Variants in FTO observed in about 807,000 individuals in gnomAD.
The protein encoded by FTO is FTO alpha-ketoglutarate dependent dioxygenase.
In FTO, 47 loss-of-function variants were observed where a neutral mutation model predicts 63.9. The ratio of observed to expected loss-of-function variants is 0.74; its 90% CI spans 0.58 to 0.94. The LOEUF is 0.94. Ranked by LOEUF, FTO falls within the 40% of genes least tolerant of loss-of-function variation. FTO has a pLI of 0.00. For synonymous variants in FTO, 207 were observed against 224.4 expected, an observed-to-expected ratio of 0.92 and a Z score of 0.69; for missense variants, 562 against 618.1, an observed-to-expected ratio of 0.91 and a Z score of 0.96.
intron 8 of FTO, among the ~76,000 whole-genome samples, chr16:53,955,564 T>A (rs1411843055): frequency 2.0e-5 from 3 of 152,258 alleles, no homozygotes; most frequent in Non-Finnish European, 2.9e-5. Context: ...AGTAAAGACT[T>A]CATCATGGAG....
intron 8 of FTO, among the ~76,000 whole-genome samples, chr16:54,007,231 C>T (rs2084229462): frequency 6.6e-6 from 1 of 152,090 alleles, no homozygotes; most frequent in African/African-American, 2.4e-5. Flanking sequence ...GGGTGCGGCA[C>T]ACCAGCATGG....
chr16:54,084,516 G>A (rs952220020), intron 8 of FTO, among the ~76,000 whole-genome samples: 9 of 152,146 alleles, frequency 5.9e-5, no homozygotes, highest in African/African-American at 2.2e-4. Context: ...ACAGACATGG[G>A]GACTTAAACA....
intron 7 of FTO, among the ~76,000 whole-genome samples, chr16:53,920,039 T>C (rs2081971566): frequency 6.6e-6 from 1 of 152,150 alleles, no homozygotes; most frequent in South Asian, 2.1e-4. Flanking sequence ...AAGAAAGGCT[T>C]CATTTTTATG....
At chr16:53,723,062 T>C (rs2076078082) in intron 1 of FTO, among the ~76,000 whole-genome samples, 1 of 152,232 alleles carries the variant, frequency 6.6e-6, no homozygotes, top group South Asian at 2.1e-4. Context: ...TAACTGCTGC[T>C]GTCACCTTTG....
At chr16:53,814,524 T>A (rs1598731557) in intron 2 of FTO, 2 of 152,410 alleles carry the variant, frequency 1.3e-5, no homozygotes, top group Admixed American at 1.3e-4. Flanking sequence ...CAAAAATTTG[T>A]TTAAGACTTA....
At chr16:53,914,666 C>T (rs1427636171) in intron 7 of FTO, among the ~76,000 whole-genome samples, 1 of 152,032 alleles carries the variant, frequency 6.6e-6, no homozygotes, top group Non-Finnish European at 1.5e-5. Flanking sequence ...TAGGTATTCC[C>T]GTGTGGAAGG....
At chr16:53,930,512 C>T (rs1198588577) in intron 7 of FTO, among the ~76,000 whole-genome samples, 3 of 151,952 alleles carry the variant, frequency 2.0e-5, no homozygotes, top group Non-Finnish European at 4.4e-5. Flanking sequence ...CCTGAGCCAC[C>T]GCGCCAGGCC....
At chr16:54,010,198 G>A (rs1426719953) in intron 8 of FTO, among the ~76,000 whole-genome samples, 2 of 152,108 alleles carry the variant, frequency 1.3e-5, no homozygotes, top group Non-Finnish European at 2.9e-5. Context: ...AGGATCACTG[G>A]AGGCCAGGAG....
chr16:54,001,939 C>T (rs2084077637), intron 8 of FTO, among the ~76,000 whole-genome samples: 2 of 152,086 alleles, frequency 1.3e-5, no homozygotes, highest in Non-Finnish European at 2.9e-5. Context: ...GTTTATAGGC[C>T]CCAGAAGGGG....
At chr16:53,953,660 A>AAAGC (rs545774489) in intron 8 of FTO, among the ~76,000 whole-genome samples, 21 of 152,316 alleles carry the variant, frequency 1.4e-4, no homozygotes, top group African/African-American at 3.6e-4. Flanking sequence ...TTATGTTAGA[A>AAAGC]AAGCAATAAT....
intron 8 of FTO, among the ~76,000 whole-genome samples, chr16:53,958,091 C>T (rs1257976381): frequency 2.0e-5 from 3 of 152,196 alleles, no homozygotes; most frequent in African/African-American, 7.2e-5. Context: ...GGTCCTGGCA[C>T]TTGTCTAAAA....
At chr16:53,986,708 T>C (rs2143861625) in intron 8 of FTO, among the ~76,000 whole-genome samples, 1 of 152,328 alleles carries the variant, frequency 6.6e-6, no homozygotes, top group Admixed American at 6.5e-5. Flanking sequence ...GTCTAATCTT[T>C]ATGAAACCCA....
intron 8 of FTO, among the ~76,000 whole-genome samples, chr16:53,961,046 C>T (rs1331849459): frequency 1.3e-5 from 2 of 152,176 alleles, no homozygotes; most frequent in Non-Finnish European, 2.9e-5. Flanking sequence ...GCTCTCTTCA[C>T]CCCACCTTTC....
At chr16:53,934,155 A>G (rs1567451727) in intron 8 of FTO, 46 bp downstream of exon 8, 1 of 1,611,176 alleles carries the variant, frequency 6.2e-7, no homozygotes, top group East Asian at 2.2e-5. Context: ...GACAAACAAG[A>G]ACTATATTTG....
intron 3 of FTO, among the ~76,000 whole-genome samples, chr16:53,827,337 T>C (rs931934277): frequency 2.0e-5 from 3 of 152,198 alleles, no homozygotes; most frequent in African/African-American, 7.2e-5. Context: ...CTGTTGACTT[T>C]CTTTTGTGTC....
intron 8 of FTO, among the ~76,000 whole-genome samples, chr16:54,083,707 G>GACCAAC (rs1434309173): frequency 6.6e-6 from 1 of 152,136 alleles, no homozygotes; most frequent in African/African-American, 2.4e-5. Flanking sequence ...TTTGAGAACA[G>GACCAAC]ACCAACACCA....
chr16:53,716,072 TG>T (rs2075888212), intron 1 of FTO, among the ~76,000 whole-genome samples: 1 of 152,148 alleles, frequency 6.6e-6, no homozygotes, highest in South Asian at 2.1e-4. Flanking sequence ...CTTGGGAGCA[TG>T]GGCGCAATAG....
rs182861259 is a variant in FTO at position 53,787,135 on chromosome 16, A to G, written c.46-23005A>G. On this transcript the variant is annotated intron_variant, in intron 1 of 8. Coordinates refer to ENST00000471389, the MANE Select transcript of FTO (RefSeq NM_001080432.3). The stretch of plus-strand genomic sequence containing the variant: ...CAAAAAAAAAAAAAAAAAAAAAAAA[A>G]AAAAAAAGAAAAAGAAACACCATCC... Among the ~76,000 whole-genome samples, 4 of 148,436 alleles carry G rather than the reference A, an allele frequency of 2.7e-5. 1 individual carries two copies. Among genetic ancestry groups the G allele is most frequent in the Non-Finnish European group, 5.9e-5 (4 of 67,268 alleles).
chr16:53,944,087 G>C (rs990450627), intron 8 of FTO, among the ~76,000 whole-genome samples: 5 of 152,142 alleles, frequency 3.3e-5, no homozygotes, highest in African/African-American at 1.2e-4. Context: ...ATAAATGCTG[G>C]GTTTTGTTGT....
Sources: allele counts gnomAD v4.1 joint callset (sites outside exome capture counted in the v4.1 genomes callset), GRCh38; gene constraint gnomAD v4.1.1; transcripts MANE v1.5; gene names NCBI Gene and HGNC (gene_info 2026-07-23, HGNC 2026-07-21).